MANBA: variants seen among roughly 807,000 people sequenced by gnomAD.
MANBA encodes the protein beta-mannosidase.
A neutral mutation model predicts 111.1 loss-of-function variants in MANBA; 83 were observed. The observed-to-expected ratio is 0.75, with a 90% CI of 0.63 to 0.90. MANBA has a LOEUF of 0.90. Ranked by LOEUF, MANBA falls within the 40% of genes least tolerant of loss-of-function variation. The pLI is 0.00. For synonymous variants in MANBA, 370 were observed against 378.7 expected (o/e 0.98, Z 0.27); for missense variants, 1,036 against 1,069.0 (o/e 0.97, Z 0.43).
chr4:102,669,532 G>C (rs974937606), intron 9 of MANBA, among the ~76,000 whole-genome samples: 1 of 152,214 alleles, frequency 6.6e-6, no homozygotes, highest in Non-Finnish European at 1.5e-5. Flanking sequence ...TAAGGAGGCT[G>C]TGTGATGCAA....
At chr4:102,654,099 G>A (rs913493584) in intron 12 of MANBA, among the ~76,000 whole-genome samples, 3 of 152,060 alleles carry the variant, frequency 2.0e-5, no homozygotes, top group African/African-American at 7.2e-5. Context: ...TTTCCCCCTG[G>A]GTCTCAAAGT....
At position 102,751,588 on chromosome 4, in the gene MANBA, G is replaced by A. The variant is rs573842313; in HGVS notation, c.177+9130C>T. 129 of 538,830 alleles carry A rather than the reference G, an allele frequency of 2.4e-4. 1 individual carries two copies. The highest frequency in any genetic ancestry group is 2.3e-3 in the African/African-American group (119 of 52,084). 33.4% of individuals were successfully genotyped at this position (538,830 alleles called of 1,614,324 possible). A position where few individuals can be genotyped will look rare whatever the true frequency, so the allele number is the denominator to read the frequency against. ...TTCCTTATTAAGGGCCAGTTTCTGC[G>A]AATGTCCTTGGTCAAACACATGGAA... On this transcript the variant is annotated intron_variant, in intron 1 of 16. Coordinates refer to ENST00000647097, the MANE Select transcript of MANBA (RefSeq NM_005908.4).
chr4:102,678,218 T>C (rs1476996749), intron 7 of MANBA, among the ~76,000 whole-genome samples: 1 of 152,206 alleles, frequency 6.6e-6, no homozygotes, highest in Non-Finnish European at 1.5e-5. Flanking sequence ...TAACAAGTTA[T>C]GACTGGGGTG....
chr4:102,666,629 G>A (rs1027927160), intron 10 of MANBA: 3 of 152,234 alleles, frequency 2.0e-5, no homozygotes, highest in African/African-American at 4.8e-5. Context: ...TGCCTGAACA[G>A]GTGCAGACAC....
At chr4:102,677,184 TCAGACTTGGATACCTGG>T (rs900479122) in intron 7 of MANBA, among the ~76,000 whole-genome samples, 3 of 152,210 alleles carry the variant, frequency 2.0e-5, no homozygotes, top group Non-Finnish European at 4.4e-5. Context: ...CGATGGTTAT[TCAGACTTGGATACCTGG>T]CAGACATTCT....
At chr4:102,717,827 A>T (rs1368247804) in intron 4 of MANBA, among the ~76,000 whole-genome samples, 2 of 152,236 alleles carry the variant, frequency 1.3e-5, no homozygotes, top group African/African-American at 4.8e-5. Flanking sequence ...CATGGGCCAG[A>T]CAGAGCTAAG....
chr4:102,735,581 G>A (rs1723190850), intron 1 of MANBA, among the ~76,000 whole-genome samples: 2 of 150,138 alleles, frequency 1.3e-5, no homozygotes, highest in Non-Finnish European at 3.0e-5. Flanking sequence ...TATTCCAAAG[G>A]CCAATCAACC....
In MANBA at chr4:102,673,977, G is replaced by C; in HGVS notation, c.1054C>G (p.Leu352Val). 6.2e-7 allele frequency: 1 copy of C among 1,609,224 alleles called. No individual in the cohort carries two copies. Among genetic ancestry groups the C allele is most frequent in the East Asian group, 2.2e-5 (1 of 44,822 alleles). Residue 352 changes from leucine (L) to valine (V), a missense_variant, in exon 8 of 17, where the codon CTA becomes GTA. Leu to Val is a conservative substitution (Grantham distance 32, BLOSUM62 1). Transcript: ENST00000647097. ...GCTGGGATCCAGTTTGAGCCTTTTAGAAATATGGGAAATCCATTAATTTTG... is the reference window on the plus strand; with the variant it reads ...GCTGGGATCCAGTTTGAGCCTTTTACAAATATGGGAAATCCATTAATTTTG... ...YFKINGFPIF[L>V]KGSNWIPADS...
chr4:102,742,339 T>C (rs1723433966), intron 1 of MANBA, among the ~76,000 whole-genome samples: 1 of 152,136 alleles, frequency 6.6e-6, no homozygotes. Context: ...AGTGGATCAC[T>C]AGGGGTGATG....
chr4:102,748,466 GA>G (rs775477505), intron 1 of MANBA, among the ~76,000 whole-genome samples: 6 of 152,178 alleles, frequency 3.9e-5, no homozygotes, highest in African/African-American at 7.2e-5. Flanking sequence ...TCTGTGGGGG[GA>G]AAATACATGT....
At position 102,714,183 on chromosome 4, in the gene MANBA, C is replaced by T. The variant is rs17033204; in HGVS notation, c.673+255G>A. Among the ~76,000 whole-genome samples, 6 of 152,080 alleles carry T rather than the reference C, an allele frequency of 3.9e-5. No individual in the cohort carries two copies. The South Asian group carries it at 1.0e-3, about 26-fold the overall frequency. ...GAATACTTATCTCAGGAAAACTTGG[C>T]GCTGCTCTTCCATTTTATTTTTTCC... On this transcript the variant is annotated intron_variant, in intron 5 of 16. Transcript: ENST00000647097.
chr4:102,726,217 A>C (rs1250674760), intron 2 of MANBA, among the ~76,000 whole-genome samples: 2 of 152,158 alleles, frequency 1.3e-5, no homozygotes, highest in Non-Finnish European at 2.9e-5. Flanking sequence ...TAATAACAGA[A>C]CATTACTGAA....
chr4:102,728,778 C>G, intron 1 of MANBA: 5 of 939,864 alleles, frequency 5.3e-6, no homozygotes, highest in African/African-American at 1.6e-5. Context: ...GACTAGGACA[C>G]CAGCCTCCCA....
intron 7 of MANBA, among the ~76,000 whole-genome samples, chr4:102,680,189 G>A (rs73836823): frequency 6.6e-6 from 1 of 151,928 alleles, no homozygotes; most frequent in African/African-American, 2.4e-5. Context: ...CTTATATTTT[G>A]TTGTTGCACA....
At chr4:102,690,275 A>G (rs1387873757) in intron 6 of MANBA, among the ~76,000 whole-genome samples, 1 of 152,200 alleles carries the variant, frequency 6.6e-6, no homozygotes, top group Non-Finnish European at 1.5e-5. Context: ...TGCTATTTAA[A>G]TATAATCCAT....
At chr4:102,735,925 G>A (rs1319178156) in intron 1 of MANBA, among the ~76,000 whole-genome samples, 1 of 152,170 alleles carries the variant, frequency 6.6e-6, no homozygotes, top group African/African-American at 2.4e-5. Context: ...TGTACACTGA[G>A]GAAAGAAACC....
chr4:102,699,372 T>G (rs1234906786), intron 5 of MANBA, among the ~76,000 whole-genome samples: 1 of 151,938 alleles, frequency 6.6e-6, no homozygotes, highest in Non-Finnish European at 1.5e-5. Flanking sequence ...CTAATTGCCC[T>G]GGCCAGAACT....
At position 102,732,034 on chromosome 4, in the gene MANBA, A is replaced by G. The variant is rs571025123; in HGVS notation, c.178-5351T>C. Among the ~76,000 whole-genome samples, 3 of 152,112 alleles carry G rather than the reference A, an allele frequency of 2.0e-5. No homozygotes were observed. In the South Asian group the frequency reaches 6.2e-4, roughly 32 times the overall value. On this transcript the variant is annotated intron_variant, in intron 1 of 16. Coordinates refer to ENST00000647097, the MANE Select transcript of MANBA (RefSeq NM_005908.4). ...GCGATTCTCCTGCCTCAGCTTCCCA[A>G]GTAGCTGGGATTACAGGCATGCACC... is the stretch of plus-strand genomic sequence containing the variant.
At chr4:102,693,003 C>CA (rs1384373674) in intron 5 of MANBA, among the ~76,000 whole-genome samples, 1 of 152,136 alleles carries the variant, frequency 6.6e-6, no homozygotes, top group Non-Finnish European at 1.5e-5. Context: ...TCCCATCAGC[C>CA]AAAAGCATAG....
Sources: allele counts gnomAD v4.1 joint callset (sites outside exome capture counted in the v4.1 genomes callset), GRCh38; gene constraint gnomAD v4.1.1; transcripts MANE v1.5; gene names NCBI Gene and HGNC (gene_info 2026-07-23, HGNC 2026-07-21).